PRDM7: variants seen among roughly 807,000 people sequenced by gnomAD.
PRDM7 encodes the protein histone-lysine N-methyltransferase PRDM7.
Under a neutral mutation model 64.3 loss-of-function variants are expected in PRDM7, and 52 were observed. The ratio of observed to expected loss-of-function variants is 0.81; its 90% CI spans 0.65 to 1.02. PRDM7 has a LOEUF of 1.02. Among genes scored for constraint, PRDM7 ranks in the 50% least tolerant of loss-of-function variants. PRDM7 has a pLI of 0.00. For synonymous variants in PRDM7, 192 were observed against 210.1 expected (o/e 0.91, Z 0.74); for missense variants, 574 against 597.1 (o/e 0.96, Z 0.40).
chr16:90,063,107 C>A (rs191297681), intron 6 of PRDM7, among the ~76,000 whole-genome samples: 114 of 152,258 alleles, frequency 7.5e-4, no homozygotes, highest in African/African-American at 2.6e-3. Context: ...TGGATTATAA[C>A]CCAAGTGAGT....
In PRDM7 at chr16:90,058,332, G is replaced by A. The variant is rs775074021; in HGVS notation, c.1436C>T (p.Thr479Ile). The A allele has an allele frequency of 6.2e-7, 1 of 1,614,014 alleles. No individual in the cohort carries two copies. Among genetic ancestry groups the A allele is most frequent in the Non-Finnish European group, 8.5e-7 (1 of 1,180,022 alleles). ...CTTTGATCTCTTGACCTTTGGTTTT[G>A]TCATTACAGCAGCGTGGATCAGAAT... is the stretch of plus-strand genomic sequence containing the variant. ...GNILIHAAVM[T>I]KPKVKRSKKG... The change falls in exon 11 of 11, where the codon ACA becomes ATA. Residue 479 changes from threonine to isoleucine, a missense_variant. By Grantham distance (89) the Thr-to-Ile change is moderately conservative (BLOSUM62 -1). Transcript: ENST00000449207.
In PRDM7 at chr16:90,074,283, GTCATCATCATCATCA is replaced by G. The variant is rs59691191; in HGVS notation, c.301+618_301+632del. The stretch of plus-strand genomic sequence containing the variant: ...TGTAATAATAGTAACAATCATCATC[GTCATCATCATCATCA>G]TCATCATCATCATCATCATCATCAT... On this transcript the variant is annotated intron_variant, in intron 4 of 10. Coordinates refer to ENST00000449207, the MANE Select transcript of PRDM7 (RefSeq NM_001098173.2). Among the ~76,000 whole-genome samples the G allele has an allele frequency of 3.4e-4, 51 of 147,974 alleles. 1 individual carries two copies. In the Middle Eastern group the frequency reaches 0.017, roughly 50 times the overall value.
rs1289383571 is a variant in PRDM7 at position 90,066,856 on chromosome 16, C to T, written c.351+5G>A. 4.4e-6 allele frequency: 7 copies of T among 1,584,266 alleles called. No individual in the cohort carries two copies. Among genetic ancestry groups the T allele is most frequent in the African/African-American group, 4.1e-5 (3 of 72,638 alleles). On this transcript the variant is annotated splice_donor_5th_base_variant and intron_variant, in intron 5 of 10. Transcript: ENST00000449207. ...TCTTGTCAACAGGATTTGGGAGATA[C>T]TTACCTTCTGGTGTTTACTCTGTTC...
At chr16:90,061,649 C>A (rs972189500) in intron 8 of PRDM7, 130 bp from the exon 9 acceptor site, 13 of 1,194,438 alleles carry the variant, frequency 1.1e-5, no homozygotes, top group African/African-American at 1.1e-4. Context: ...ATGGCATGCA[C>A]CTTAGTCATC....
At position 90,057,907 on chromosome 16, in the gene PRDM7, C is replaced by T. The variant is rs2037708059; in HGVS notation, c.*382G>A. The stretch of plus-strand genomic sequence containing the variant: ...TCTGGTGAATGAGGAGGACTGACTT[C>T]CGGCTAAAGCCCCGCTCACACTCTC... On this transcript the variant is annotated 3_prime_UTR_variant, in exon 11 of 11. Transcript: ENST00000449207. 5.1e-6 allele frequency: 8 copies of T among 1,562,954 alleles called. No homozygotes were observed.
chr16:90,062,093 C>A lies in PRDM7; in HGVS notation c.710G>T (p.Arg237Leu). The A allele has an allele frequency of 6.2e-7, 1 of 1,614,196 alleles. No homozygotes were observed. Among genetic ancestry groups the A allele is most frequent in the Non-Finnish European group, 8.5e-7 (1 of 1,180,038 alleles). ...DSAVDKGHPN[R>L]SALSLPPGLR... ...CCCCGGGGGCAGACTGAGGGCTGAA[C>A]GGTTGGGATGCCCCTTGTCCACTGC... Residue 237 changes from arginine to leucine, a missense_variant, in exon 8 of 11, where the codon CGT (arginine) becomes CTT (leucine). By Grantham distance (102) the Arg-to-Leu change is moderately radical (BLOSUM62 -2). Coordinates refer to ENST00000449207, the MANE Select transcript of PRDM7 (RefSeq NM_001098173.2).
At chr16:90,069,337 A>G (rs900394228) in intron 4 of PRDM7, among the ~76,000 whole-genome samples, 1 of 151,358 alleles carries the variant, frequency 6.6e-6, no homozygotes, top group African/African-American at 2.5e-5. Context: ...CTTACCACAT[A>G]TCTCATATAA....
At position 90,058,053 on chromosome 16, in the gene PRDM7, G is replaced by C; in HGVS notation, c.*236C>G. On this transcript the variant is annotated 3_prime_UTR_variant, in exon 11 of 11. Coordinates refer to ENST00000449207, the MANE Select transcript of PRDM7 (RefSeq NM_001098173.2). ...GCTTCCCCCCTGTGTGTGTCCTTTG[G>C]TGTGTAATAACATCTGACTTATCAC... 4 of 1,612,442 alleles carry C rather than the reference G, an allele frequency of 2.5e-6. No individual in the cohort carries two copies. Among genetic ancestry groups the C allele is most frequent in the South Asian group, 1.1e-5 (1 of 91,052 alleles).
rs971580051 is a variant in PRDM7 at position 90,075,238 on chromosome 16, C to A, written c.193+113G>T. ...CAATATTTCCCTCCAGATTTGTCTC[C>A]GTGCAAAAGGGAATTGTGGGCAGAT... On this transcript the variant is annotated intron_variant, in intron 3 of 10. Transcript: ENST00000449207. The surrounding 1 kb of genome is among the most constrained non-coding windows in gnomAD (Gnocchi z 4.3). The A allele has an allele frequency of 1.7e-5, 26 of 1,567,016 alleles. No individual in the cohort carries two copies. Among genetic ancestry groups the A allele is most frequent in the Middle Eastern group, 1.7e-4 (1 of 5,968 alleles).
rs758895723 is a variant in PRDM7, at chr16:90,075,833, ACTTCTCACCATGGG to A, written c.64_69+8del. The A allele has an allele frequency of 6.2e-7, 1 of 1,613,270 alleles. No homozygotes were observed. Among genetic ancestry groups the A allele is most frequent in the Admixed American group, 1.7e-5 (1 of 59,916 alleles). ...CTGGGAGTCTGGCTTCGCCTCCCCG[ACTTCTCACCATGGG>A]CTTCCGCTCTGTTCTCTCTGTGTCT... On this transcript the variant is annotated splice_donor_variant and splice_donor_5th_base_variant and coding_sequence_variant and intron_variant, in exon 2 of 11. Coordinates refer to ENST00000449207, the MANE Select transcript of PRDM7 (RefSeq NM_001098173.2). LOFTEE classifies it high-confidence loss of function. The surrounding 1 kb of genome is among the most constrained non-coding windows in gnomAD (Gnocchi z 4.3).
chr16:90,068,094 G>T (rs1252306687), intron 4 of PRDM7, among the ~76,000 whole-genome samples: 3 of 150,926 alleles, frequency 2.0e-5, no homozygotes, highest in African/African-American at 7.4e-5. Flanking sequence ...GTTTGCAGAT[G>T]ACATGATCTT....
intron 5 of PRDM7, among the ~76,000 whole-genome samples, chr16:90,065,681 G>A (rs1223677413): frequency 6.6e-6 from 1 of 151,278 alleles, no homozygotes; most frequent in Non-Finnish European, 1.5e-5. Flanking sequence ...GCTGCAGTAA[G>A]CCGAGATTGA....
At chr16:90,065,599 G>C (rs1224669273) in intron 5 of PRDM7, among the ~76,000 whole-genome samples, 1 of 150,424 alleles carries the variant, frequency 6.6e-6, no homozygotes, top group South Asian at 2.1e-4. Context: ...GCTGGGCATG[G>C]TGGTGCATGC....
rs139295757 is a variant in PRDM7 at position 90,062,275 on chromosome 16, CATT to C, written c.611-86_611-84del. Reference sequence around the variant, plus strand: ...AGCTTCAGAAAGAGCGTGGCACTCACATTATTTAGCCCCAATCCTGTACTTTAA... The same window carrying C: ...AGCTTCAGAAAGAGCGTGGCACTCACATTTAGCCCCAATCCTGTACTTTAA... On this transcript the variant is annotated intron_variant, in intron 7 of 10. Coordinates refer to ENST00000449207, the MANE Select transcript of PRDM7 (RefSeq NM_001098173.2). The C allele has an allele frequency of 6.4e-4, 1,028 of 1,614,004 alleles. 11 individuals carry two copies. The African/African-American group carries it at 0.012, about 20-fold the overall frequency.
Position 90,062,174 on chromosome 16 carries a change from T to G in PRDM7, c.629A>C (p.Asn210Thr), listed in dbSNP as rs370385189. Residue 210 changes from asparagine to threonine, a missense_variant, in exon 8 of 11, where the codon AAC (asparagine) becomes ACC (threonine). Asn to Thr is a moderately conservative substitution (Grantham distance 65, BLOSUM62 0). Coordinates refer to ENST00000449207, the MANE Select transcript of PRDM7 (RefSeq NM_001098173.2). ...AGCAGCACAGCTGTCAATGAAGAAG[T>G]TCTGACACATCTCACAATCTGGAAG... The part of the protein sequence containing the change: ...DDYLYCEMCQ[N>T]FFIDSCAAHG... 6.2e-7 allele frequency: 1 copy of G among 1,614,126 alleles called. No individual in the cohort carries two copies. Among genetic ancestry groups the G allele is most frequent in the Non-Finnish European group, 8.5e-7 (1 of 1,180,052 alleles).
chr16:90,060,388 C>G lies in PRDM7; in HGVS notation c.1186G>C (p.Ala396Pro). The G allele has an allele frequency of 6.2e-7, 1 of 1,613,920 alleles. No homozygotes were observed. The change falls in exon 10 of 11, where the codon GCA becomes CCA. Residue 396 changes from alanine (A) to proline (P), a missense_variant. Transcript: ENST00000449207. ...CTTCCACTTGCTGCCCCACTTGATG[C>G]CCAGTTCCTGGCCATACTCATCCCC... ...GMGMSMARNWASSGAASGRKS... is the reference protein window; with the variant it reads ...GMGMSMARNWPSSGAASGRKS...
intron 4 of PRDM7, among the ~76,000 whole-genome samples, chr16:90,071,637 C>A (rs180777269): frequency 6.2e-4 from 94 of 152,244 alleles, no homozygotes; most frequent in African/African-American, 2.0e-3. Flanking sequence ...AATAACTAAC[C>A]CACTCCTGTG....
chr16:90,075,727 GCCCCCATT>G lies in PRDM7; in HGVS notation c.69+107_69+114del. 1 of 1,387,274 alleles carries G rather than the reference GCCCCCATT, an allele frequency of 7.2e-7. No homozygotes were observed. The highest frequency in any genetic ancestry group is 2.4e-5 in the East Asian group (1 of 41,008). The allele number at this position is 1,387,274 out of a possible 1,614,324, so 85.9% of individuals were successfully genotyped here. ...CCCCATGTCCTGGCCAGGACCAGCT[GCCCCCATT>G]CCATGCACATTCAGACAGAGTCACC... On this transcript the variant is annotated intron_variant, in intron 2 of 10. Transcript: ENST00000449207. The surrounding 1 kb of genome is among the most constrained non-coding windows in gnomAD (Gnocchi z 4.3).
At chr16:90,060,126 C>G (rs186436370) in intron 10 of PRDM7, among the ~76,000 whole-genome samples, 31 of 152,276 alleles carry the variant, frequency 2.0e-4, no homozygotes, top group Admixed American at 2.6e-4. Context: ...GCATGAAGTA[C>G]TTTGAATATA....
Sources: gnomAD v4.1 joint callset for allele counts (sites outside exome capture counted in the v4.1 genomes callset) on GRCh38, gnomAD v4.1.1 for gene constraint, Gnocchi (gnomAD v3.1) non-coding constraint, MANE v1.5 for transcripts, NCBI Gene and HGNC (gene_info 2026-07-23, HGNC 2026-07-21) for gene names.